Variants in CDH26 observed in about 807,000 individuals in gnomAD.
CDH26 encodes cadherin-like protein 26.
A neutral mutation model predicts 90.3 loss-of-function variants in CDH26; 83 were observed. The ratio of observed to expected loss-of-function variants is 0.92; its 90% CI spans 0.77 to 1.10. The LOEUF is 1.10. Ranked by LOEUF, CDH26 falls within the 50% of genes least tolerant of loss-of-function variation. The pLI is 0.00. For missense variants in CDH26, 1,013 were observed against 1,037.6 expected (o/e 0.98, Z 0.33); for synonymous variants, 397 against 396.3 (o/e 1.00, Z -0.02).
intron 4 of CDH26, among the ~76,000 whole-genome samples, chr20:59,977,420 C>A (rs2061340325): frequency 6.6e-6 from 1 of 151,978 alleles, no homozygotes; most frequent in Admixed American, 6.6e-5. Flanking sequence ...ACAAAAGCAC[C>A]CTTTATACTA....
chr20:60,019,541 C>T (rs934515251), intron 7 of CDH26, among the ~76,000 whole-genome samples: 2 of 152,144 alleles, frequency 1.3e-5, no homozygotes, highest in African/African-American at 4.8e-5. Context: ...AGAATTTCCA[C>T]TTGATCCTTT....
intron 14 of CDH26, among the ~76,000 whole-genome samples, chr20:60,000,704 T>A (rs1306836713): frequency 1.3e-5 from 2 of 152,240 alleles, no homozygotes; most frequent in Non-Finnish European, 2.9e-5. Context: ...CTCCACCTTC[T>A]AGGTTTTGGT....
intron 1 of CDH26, among the ~76,000 whole-genome samples, chr20:59,966,957 C>T (rs540796126): frequency 1.4e-4 from 21 of 151,782 alleles, no homozygotes; most frequent in African/African-American, 4.6e-4. Flanking sequence ...CACACACATC[C>T]TCCCCCAAAA....
rs1322463332 is a variant in CDH26 at position 60,002,935 on chromosome 20, C to T, written c.2220+69C>T. ...TGTTCTGCCTAAAAGCTGTGCAAAT[C>T]CCTGAAAATTGGAAATTTGGAAGGA... is the stretch of plus-strand genomic sequence containing the variant. On this transcript the variant is annotated intron_variant, in intron 16 of 17. Transcript: ENST00000348616. 3.2e-6 allele frequency: 4 copies of T among 1,234,056 alleles called. No individual in the cohort carries two copies. The East Asian group carries it at 1.0e-4, about 32-fold the overall frequency. The allele number at this position is 1,234,056 out of a possible 1,614,324, so 76.4% of individuals were successfully genotyped here. A position where few individuals can be genotyped will look rare whatever the true frequency, so the allele number is the denominator to read the frequency against.
downstream of CDH26, among the ~76,000 whole-genome samples, chr20:60,019,099 T>C (rs1001144706): frequency 6.6e-6 from 1 of 152,120 alleles, no homozygotes; most frequent in Admixed American, 6.5e-5. Flanking sequence ...GGGGATTCCA[T>C]TATATGTGAC....
chr20:60,002,878 T>C lies in CDH26; in HGVS notation c.2220+12T>C. 1.3e-6 allele frequency: 2 copies of C among 1,552,248 alleles called. No individual in the cohort carries two copies. Among genetic ancestry groups the C allele is most frequent in the Middle Eastern group, 1.7e-4 (1 of 5,842 alleles). On this transcript the variant is annotated intron_variant, in intron 16 of 17. Coordinates refer to ENST00000348616, the MANE Select transcript of CDH26 (RefSeq NM_177980.4). Reference sequence around the variant, plus strand: ...TACACTCTACTCCTGTAAGTATAGATGTAGGTGTTACCGTGAACAAATTTA... The same window carrying C: ...TACACTCTACTCCTGTAAGTATAGACGTAGGTGTTACCGTGAACAAATTTA...
intron 1 of CDH26, among the ~76,000 whole-genome samples, chr20:59,966,021 T>C (rs2145968898): frequency 6.6e-6 from 1 of 152,208 alleles, no homozygotes; most frequent in Non-Finnish European, 1.5e-5. Context: ...TTAGGAAGCT[T>C]TCATGCTTAT....
chr20:59,979,601 C>CTTT lies in CDH26; in HGVS notation c.394-3281_394-3279dup, dbSNP rs559969476. Among the ~76,000 whole-genome samples the CTTT allele has an allele frequency of 1.4e-3, 65 of 47,498 alleles. 8 individuals carry two copies. The highest frequency in any genetic ancestry group is 2.0e-3 in the East Asian group (3 of 1,520). The allele number at this position is 47,498 out of a possible 152,430, so 31.2% of individuals were successfully genotyped here. On this transcript the variant is annotated intron_variant, in intron 4 of 17. Coordinates refer to ENST00000348616, the MANE Select transcript of CDH26 (RefSeq NM_177980.4). ...TGTGGTGAGATAAAGCTGCTATGCA[C>CTTT]TTTTTTTTTTTTTTTTTTTTTTTTT...
chr20:59,977,671 AC>A (rs1410478417), intron 4 of CDH26, among the ~76,000 whole-genome samples: 3 of 122,286 alleles, frequency 2.5e-5, no homozygotes, highest in African/African-American at 3.9e-5. Flanking sequence ...CCCTCCCCCT[AC>A]CCCCTCCCTT....
rs2061494108 is a variant in CDH26, at chr20:59,989,054, GACCC to G, written c.1178_1181del (p.Pro393GlnfsTer34). On this transcript the variant is annotated frameshift_variant, in exon 9 of 18. Coordinates refer to ENST00000348616, the MANE Select transcript of CDH26 (RefSeq NM_177980.4). LOFTEE classifies it high-confidence loss of function. Reference sequence around the variant, plus strand: ...GAGTGTGCAGGTGACAGACGCCAACGACCCACCAGCCTTTCACCCCCAGAGCTTC... The same window carrying G: ...GAGTGTGCAGGTGACAGACGCCAACGACCAGCCTTTCACCCCCAGAGCTTC... The G allele has an allele frequency of 6.2e-7, 1 of 1,614,028 alleles. No individual in the cohort carries two copies. Among genetic ancestry groups the G allele is most frequent in the South Asian group, 1.1e-5 (1 of 91,070 alleles).
exon 9 of CDH26, chr20:60,033,773 ATG>A (rs3043443): frequency 0.051 from 45,153 of 879,388 alleles, 3 homozygotes; most frequent in Non-Finnish European, 0.056. Context: ...GGTAGACAAG[ATG>A]TGTGTGTGTG....
At chr20:59,970,047 A>C in intron 2 of CDH26, 35 bp from the exon 3 acceptor site, 1 of 1,603,100 alleles carries the variant, frequency 6.2e-7, no homozygotes, top group East Asian at 2.2e-5. Context: ...CATCACTGCC[A>C]TCCTCATTGT....
At chr20:59,977,815 A>T (rs2061344855) in intron 4 of CDH26, among the ~76,000 whole-genome samples, 1 of 152,000 alleles carries the variant, frequency 6.6e-6, no homozygotes, top group Admixed American at 6.6e-5. Flanking sequence ...ATTAGGCTTC[A>T]CTCTTGGCAT....
At chr20:59,977,687 T>G (rs1223886308) in intron 4 of CDH26, among the ~76,000 whole-genome samples, 1 of 134,796 alleles carries the variant, frequency 7.4e-6, no homozygotes, top group African/African-American at 3.1e-5. Flanking sequence ...TCCCTTCAGA[T>G]TCCCCTATTA....
At chr20:60,033,617 C>T (rs1371948828) in exon 9 of CDH26, 1 of 1,304,858 alleles carries the variant, frequency 7.7e-7, no homozygotes, top group Non-Finnish European at 1.0e-6. Flanking sequence ...GGCATGTTTC[C>T]CAGGAGACTA....
At chr20:60,032,741 C>T (rs919798684) in intron 8 of CDH26, among the ~76,000 whole-genome samples, 8 of 150,922 alleles carry the variant, frequency 5.3e-5, no homozygotes, top group Admixed American at 1.3e-4. Context: ...AGTAAACTAT[C>T]GCAAGAACAA....
intron 7 of CDH26, among the ~76,000 whole-genome samples, chr20:60,026,366 T>C (rs2061997043): frequency 7.0e-6 from 1 of 143,222 alleles, no homozygotes; most frequent in African/African-American, 2.6e-5. Flanking sequence ...CCCACGAGAG[T>C]GGAGACAGCT....
At chr20:60,012,055 C>T (rs1415183772) in intron 17 of CDH26, among the ~76,000 whole-genome samples, 1 of 151,934 alleles carries the variant, frequency 6.6e-6, no homozygotes, top group East Asian at 1.9e-4. Flanking sequence ...TGCAGGGAGG[C>T]TGTGAAGTAT....
At chr20:59,998,538 A>G (rs531488731) in intron 13 of CDH26, among the ~76,000 whole-genome samples, 1 of 152,302 alleles carries the variant, frequency 6.6e-6, no homozygotes, top group East Asian at 1.9e-4. Context: ...GTGGGACAAG[A>G]GAACCTCATG....
Sources: gnomAD v4.1 joint callset for allele counts (sites outside exome capture counted in the v4.1 genomes callset) on GRCh38, gnomAD v4.1.1 for gene constraint, MANE v1.5 for transcripts, NCBI Gene and HGNC (gene_info 2026-07-23, HGNC 2026-07-21) for gene names.